The following ADCK1 variants were observed in gnomAD, a reference collection of about 807,000 sequenced individuals.
The protein encoded by ADCK1 is aarF domain containing kinase 1.
ADCK1 carries 41 observed loss-of-function variants against 52.3 expected under a neutral mutation model. The ratio of observed to expected loss-of-function variants is 0.78; its 90% CI spans 0.61 to 1.02. ADCK1 has a LOEUF of 1.02. ADCK1 is among the 50% of genes least tolerant of loss of function. The probability of loss-of-function intolerance (pLI) is 0.00; values close to 1 mark genes in which losing one functional copy is unlikely to be tolerated. For synonymous variants in ADCK1, 250 were observed against 274.6 expected (o/e 0.91, Z 0.89); for missense variants, 658 against 679.5 (o/e 0.97, Z 0.35).
chr14:77,810,848 C>T (rs1387032597), intron 1 of ADCK1, among the ~76,000 whole-genome samples: 3 of 152,158 alleles, frequency 2.0e-5, no homozygotes, highest in Non-Finnish European at 4.4e-5. Flanking sequence ...GTTCTTTACC[C>T]ACGGTCTCTT....
At chr14:77,871,157 C>T (rs2082768149) in intron 4 of ADCK1, among the ~76,000 whole-genome samples, 1 of 152,152 alleles carries the variant, frequency 6.6e-6, no homozygotes, top group Admixed American at 6.5e-5. Flanking sequence ...GTGGGATGCT[C>T]AGATGTTGCC....
chr14:77,911,617 C>G (rs1052509552), intron 7 of ADCK1, among the ~76,000 whole-genome samples: 10 of 152,162 alleles, frequency 6.6e-5, no homozygotes, highest in African/African-American at 2.2e-4. Context: ...AATGCACAAA[C>G]AATGCTTTGC....
intron 3 of ADCK1, among the ~76,000 whole-genome samples, chr14:77,844,561 G>A (rs531047382): frequency 5.3e-5 from 8 of 152,228 alleles, no homozygotes; most frequent in East Asian, 1.9e-4. Flanking sequence ...AGCCGGCCCC[G>A]TCAGGTCCAC....
intron 8 of ADCK1, 85 bp downstream of exon 8, chr14:77,924,691 G>C: frequency 6.5e-7 from 1 of 1,546,410 alleles, no homozygotes; most frequent in Non-Finnish European, 8.7e-7. Context: ...AACCGGGAGG[G>C]AGATAGCGAG....
chr14:77,807,155 G>A (rs995895770), intron 1 of ADCK1, among the ~76,000 whole-genome samples: 4 of 124,722 alleles, frequency 3.2e-5, no homozygotes, highest in African/African-American at 6.0e-5. Context: ...TGCAAGCTCC[G>A]CCTCCCGGGT....
At chr14:77,840,868 G>T (rs912923252) in intron 3 of ADCK1, among the ~76,000 whole-genome samples, 2 of 145,702 alleles carry the variant, frequency 1.4e-5, no homozygotes, top group Non-Finnish European at 3.0e-5. Flanking sequence ...GGGCAGCAGG[G>T]AGGGAGGGAG....
In ADCK1 at chr14:77,818,974, G is replaced by T. The variant is rs1181019206; in HGVS notation, c.-5G>T. ...ACTTTCCTTTTTTCTGCAGGATCTG[G>T]CGACATGGCCAGAAAGGCTCTCAAG... On this transcript the variant is annotated 5_prime_UTR_variant, in exon 2 of 11. Coordinates refer to ENST00000238561, the MANE Select transcript of ADCK1 (RefSeq NM_020421.4). The T allele has an allele frequency of 1.2e-5, 20 of 1,613,132 alleles. No homozygotes were observed. Among genetic ancestry groups the T allele is most frequent in the Middle Eastern group, 1.6e-4 (1 of 6,080 alleles).
At chr14:77,830,367 A>G (rs1296938628) in intron 3 of ADCK1, among the ~76,000 whole-genome samples, 1 of 151,154 alleles carries the variant, frequency 6.6e-6, no homozygotes, top group East Asian at 2.0e-4. Flanking sequence ...CTTGACCAGG[A>G]TGGTCTCGAA....
chr14:77,850,755 AT>A (rs2082268104), intron 3 of ADCK1, among the ~76,000 whole-genome samples: 1 of 147,768 alleles, frequency 6.8e-6, no homozygotes, highest in East Asian at 2.0e-4. Context: ...GATTCACGCC[AT>A]TCTCCTGCCT....
At chr14:77,808,996 A>G (rs1213433439) in intron 1 of ADCK1, among the ~76,000 whole-genome samples, 2 of 152,230 alleles carry the variant, frequency 1.3e-5, no homozygotes, top group Non-Finnish European at 2.9e-5. Context: ...CTAGTGAGGA[A>G]TGAATGAGGA....
chr14:77,901,919 C>T (rs1371675536), intron 6 of ADCK1, among the ~76,000 whole-genome samples: 15 of 152,156 alleles, frequency 9.9e-5, no homozygotes, highest in Admixed American at 7.2e-4. Flanking sequence ...CTTCCCTCTT[C>T]TTTACCAGGC....
intron 4 of ADCK1, 54 bp downstream of exon 4, chr14:77,859,333 C>T (rs2140138257): frequency 6.5e-7 from 1 of 1,546,396 alleles, no homozygotes; most frequent in Non-Finnish European, 8.8e-7. Context: ...CAGAAAAGGC[C>T]CCGGCTGAAT....
intron 3 of ADCK1, among the ~76,000 whole-genome samples, chr14:77,852,907 A>ATTTTTTTTTTTTTTTTT (rs71303864): frequency 6.9e-5 from 2 of 28,956 alleles, no homozygotes; most frequent in Non-Finnish European, 1.1e-4. Flanking sequence ...ATATATATAT[A>ATTTTTTTTTTTTTTTTT]TTTTTTTTTT....
intron 3 of ADCK1, among the ~76,000 whole-genome samples, chr14:77,823,860 C>G (rs2081634429): frequency 6.6e-6 from 1 of 152,110 alleles, no homozygotes; most frequent in Non-Finnish European, 1.5e-5. Context: ...GTGTGAGCCA[C>G]TGTGCCAGGC....
intron 3 of ADCK1, among the ~76,000 whole-genome samples, chr14:77,854,225 G>C (rs911119604): frequency 1.3e-5 from 2 of 152,156 alleles, no homozygotes; most frequent in Admixed American, 6.5e-5. Context: ...GGTGGTGGGA[G>C]TGGTGGGAAA....
Position 77,840,717 on chromosome 14 carries a change from G to A in ADCK1, c.219+18199G>A, listed in dbSNP as rs931778791. 4.6e-5 allele frequency among the ~76,000 whole-genome samples: 7 copies of A among 151,972 alleles called. No homozygotes were observed. The South Asian group carries it at 1.0e-3, about 23-fold the overall frequency. ...ACAAAAATTAACCAAGCATGGTGGTGTGCGCCTGAAGTCCCAACTACTTGG... is the reference window on the plus strand; with the variant it reads ...ACAAAAATTAACCAAGCATGGTGGTATGCGCCTGAAGTCCCAACTACTTGG... On this transcript the variant is annotated intron_variant, in intron 3 of 10. Transcript: ENST00000238561.
intron 6 of ADCK1, chr14:77,902,674 A>G (rs939421426): frequency 1.3e-5 from 2 of 152,254 alleles, no homozygotes; most frequent in Non-Finnish European, 2.9e-5. Context: ...TGTTAGCACC[A>G]TGACAGGCAT....
intron 9 of ADCK1, among the ~76,000 whole-genome samples, chr14:77,926,944 C>T (rs1432768441): frequency 2.0e-5 from 3 of 152,158 alleles, no homozygotes; most frequent in Admixed American, 6.5e-5. Context: ...ATTTGCCAGA[C>T]CCACTTAGAC....
At chr14:77,899,289 T>C (rs775484162) in intron 6 of ADCK1, 31 bp downstream of exon 6, 3 of 1,612,614 alleles carry the variant, frequency 1.9e-6, no homozygotes, top group South Asian at 2.2e-5. Context: ...CAGGGTATGG[T>C]GGTCTGGTGG....
Sources: allele counts gnomAD v4.1 joint callset (sites outside exome capture counted in the v4.1 genomes callset), GRCh38; gene constraint gnomAD v4.1.1; transcripts MANE v1.5; gene names NCBI Gene and HGNC (gene_info 2026-07-23, HGNC 2026-07-21).